The following ADTRP variants were observed in gnomAD, a reference collection of about 807,000 sequenced individuals.
ADTRP encodes androgen dependent TFPI regulating protein.
ADTRP carries 20 observed loss-of-function variants against 27.0 expected under a neutral mutation model. That is an observed-to-expected ratio of 0.74 (90% CI 0.52 to 1.08). ADTRP has a LOEUF of 1.08. Ranked by LOEUF, ADTRP falls within the 50% of genes least tolerant of loss-of-function variation. The probability of loss-of-function intolerance (pLI) is 0.00; values close to 1 mark genes in which losing one functional copy is unlikely to be tolerated. For synonymous variants in ADTRP, 101 were observed against 105.2 expected (o/e 0.96, Z 0.25); for missense variants, 251 against 275.0 (o/e 0.91, Z 0.62).
intron 3 of ADTRP, among the ~76,000 whole-genome samples, chr6:11,765,180 G>A (rs952584755): frequency 6.6e-6 from 1 of 152,008 alleles, no homozygotes. Context: ...CAGTGTTAGT[G>A]GACTGAGTTG....
intron 3 of ADTRP, among the ~76,000 whole-genome samples, chr6:11,753,457 A>G (rs991246736): frequency 1.3e-5 from 2 of 152,202 alleles, no homozygotes; most frequent in Admixed American, 6.5e-5. Flanking sequence ...AGGCAACTCA[A>G]TCTTTCAGTT....
At chr6:11,719,024 C>G (rs1761923114) in intron 5 of ADTRP, among the ~76,000 whole-genome samples, 2 of 152,260 alleles carry the variant, frequency 1.3e-5, no homozygotes, top group Non-Finnish European at 2.9e-5. Flanking sequence ...TATTCACCCA[C>G]TGATGTGGCA....
intron 3 of ADTRP, among the ~76,000 whole-genome samples, chr6:11,751,987 G>A (rs568106702): frequency 6.6e-6 from 1 of 152,236 alleles, no homozygotes; most frequent in East Asian, 1.9e-4. Context: ...TCTGTCTAAG[G>A]TTTCTGTCGT....
In ADTRP at chr6:11,734,669, A is replaced by C. The variant is rs1016999132; in HGVS notation, c.506+899T>G. 2.6e-5 allele frequency among the ~76,000 whole-genome samples: 4 copies of C among 152,220 alleles called. No homozygotes were observed. In the East Asian group the frequency reaches 7.7e-4, roughly 29 times the overall value. On this transcript the variant is annotated intron_variant, in intron 4 of 5. Coordinates refer to ENST00000414691, the MANE Select transcript of ADTRP (RefSeq NM_032744.4). Reference sequence around the variant, plus strand: ...AAGACAGAGGCTGGTCGAGTCCATAAAACAGGCACTGCTAGAGCCCATGTT... The same window carrying C: ...AAGACAGAGGCTGGTCGAGTCCATACAACAGGCACTGCTAGAGCCCATGTT...
At chr6:11,772,299 G>A (rs1354725654) in intron 1 of ADTRP, among the ~76,000 whole-genome samples, 4 of 152,120 alleles carry the variant, frequency 2.6e-5, no homozygotes, top group African/African-American at 4.8e-5. Flanking sequence ...TAACACCTGC[G>A]ACAAAGCTGA....
intron 3 of ADTRP, among the ~76,000 whole-genome samples, chr6:11,740,922 A>C (rs796443406): frequency 2.3e-4 from 35 of 152,318 alleles, no homozygotes; most frequent in African/African-American, 7.7e-4. Flanking sequence ...CTTAAAAAAC[A>C]ACAACTTCCA....
At chr6:11,732,392 C>T (rs755251585) in intron 4 of ADTRP, among the ~76,000 whole-genome samples, 39 of 152,300 alleles carry the variant, frequency 2.6e-4, no homozygotes, top group Non-Finnish European at 4.9e-4. Flanking sequence ...GCACATCTGA[C>T]AGTGGGCCCA....
intron 4 of ADTRP, among the ~76,000 whole-genome samples, chr6:11,733,996 A>G (rs983465033): frequency 2.6e-5 from 4 of 152,262 alleles, no homozygotes; most frequent in Non-Finnish European, 5.9e-5. Context: ...AGAAGACATT[A>G]GTAAGTAAAA....
chr6:11,765,717 T>C (rs529439951), intron 3 of ADTRP, among the ~76,000 whole-genome samples: 8 of 152,120 alleles, frequency 5.3e-5, no homozygotes, highest in African/African-American at 1.9e-4. Context: ...GATATTCAGG[T>C]TCCAGTGACC....
At chr6:11,751,301 C>T (rs919610752) in intron 3 of ADTRP, among the ~76,000 whole-genome samples, 2 of 152,180 alleles carry the variant, frequency 1.3e-5, no homozygotes, top group African/African-American at 2.4e-5. Context: ...TCTAATCTAC[C>T]CCATACCACT....
At chr6:11,770,093 C>T (rs556903967) in intron 1 of ADTRP, 2 of 1,543,536 alleles carry the variant, frequency 1.3e-6, no homozygotes, top group African/African-American at 1.4e-5. Flanking sequence ...AGCTAGACTT[C>T]GAAAAAATAA....
Position 11,766,314 on chromosome 6 carries a change from A to C in ADTRP, c.350T>G (p.Val117Gly). The C allele has an allele frequency of 2.5e-6, 4 of 1,613,060 alleles. No homozygotes were observed. The highest frequency in any genetic ancestry group is 3.4e-6 in the Non-Finnish European group (4 of 1,179,412). Residue 117 changes from valine (V) to glycine (G), a missense_variant, in exon 3 of 6, where the codon GTC becomes GGC. Physicochemically the swap from Val to Gly is moderately radical, Grantham distance 109 (BLOSUM62 -3). Transcript: ENST00000414691. ...LYNRDLIYPK[V>G]LDTVIPVWLN... Reference sequence around the variant, plus strand: ...CCACACGGGGATGACAGTATCTAGGACCTTGGGGTAAATGAGATCTCGATT... The same window carrying C: ...CCACACGGGGATGACAGTATCTAGGCCCTTGGGGTAAATGAGATCTCGATT...
chr6:11,768,631 T>A (rs761398892), intron 1 of ADTRP, among the ~76,000 whole-genome samples: 2 of 152,126 alleles, frequency 1.3e-5, no homozygotes, highest in Non-Finnish European at 2.9e-5. Flanking sequence ...TGTAATGGAC[T>A]TGAGCTAACA....
chr6:11,725,143 C>A (rs1376874626), intron 4 of ADTRP, among the ~76,000 whole-genome samples: 1 of 152,088 alleles, frequency 6.6e-6, no homozygotes, highest in African/African-American at 2.4e-5. Flanking sequence ...ATATTCAGGA[C>A]CGGGAGTAGG....
chr6:11,768,611 C>T (rs1241122496), intron 1 of ADTRP, among the ~76,000 whole-genome samples: 1 of 151,968 alleles, frequency 6.6e-6, no homozygotes, highest in Non-Finnish European at 1.5e-5. Context: ...ATAATGTGTA[C>T]AGTATTTAGT....
intron 3 of ADTRP, among the ~76,000 whole-genome samples, chr6:11,745,843 C>A (rs1252782647): frequency 6.6e-6 from 1 of 151,708 alleles, no homozygotes; most frequent in Admixed American, 6.6e-5. Flanking sequence ...CAGGCTGGAG[C>A]GCAGTGACAT....
chr6:11,769,832 G>C (rs1763706653), intron 1 of ADTRP, among the ~76,000 whole-genome samples: 1 of 152,004 alleles, frequency 6.6e-6, no homozygotes, highest in South Asian at 2.1e-4. Flanking sequence ...CTTTATGTAG[G>C]CTAAAGCTAG....
At chr6:11,715,774 T>C (rs1173549939) in intron 5 of ADTRP, among the ~76,000 whole-genome samples, 2 of 147,762 alleles carry the variant, frequency 1.4e-5, no homozygotes, top group African/African-American at 2.5e-5. Context: ...TCCTGACTAG[T>C]TGGCACTAGA....
At chr6:11,735,041 G>A (rs957264923) in intron 4 of ADTRP, among the ~76,000 whole-genome samples, 5 of 152,188 alleles carry the variant, frequency 3.3e-5, no homozygotes, top group South Asian at 2.1e-4. Context: ...GTTGAATGAC[G>A]AAATCTAGGC....
Sources: gnomAD v4.1 joint callset for allele counts (sites outside exome capture counted in the v4.1 genomes callset) on GRCh38, gnomAD v4.1.1 for gene constraint, MANE v1.5 for transcripts, NCBI Gene and HGNC (gene_info 2026-07-23, HGNC 2026-07-21) for gene names.